CACNB2: variants seen among roughly 807,000 people sequenced by gnomAD.
CACNB2 encodes the protein voltage-dependent L-type calcium channel subunit beta-2.
In CACNB2, 42 loss-of-function variants were observed where a neutral mutation model predicts 73.3. That is an observed-to-expected ratio of 0.57 (90% CI 0.45 to 0.74). The LOEUF (loss-of-function observed/expected upper bound fraction) is 0.74, where lower values mean the gene tolerates loss of function less well. Among genes scored for constraint, CACNB2 ranks in the 30% least tolerant of loss-of-function variants. The pLI is 0.00. For synonymous variants in CACNB2, 348 were observed against 310.3 expected (o/e 1.12, Z -1.28); for missense variants, 940 against 853.0 (o/e 1.10, Z -1.27).
At chr10:18,346,937 A>C (rs1564455333) in intron 2 of CACNB2, among the ~76,000 whole-genome samples, 1 of 152,068 alleles carries the variant, frequency 6.6e-6, no homozygotes, top group Non-Finnish European at 1.5e-5. Context: ...GAAAAACCTG[A>C]CCCGTGAAAT....
chr10:18,534,797 A>C (rs1188707166), intron 11 of CACNB2, among the ~76,000 whole-genome samples: 1 of 152,248 alleles, frequency 6.6e-6, no homozygotes, highest in African/African-American at 2.4e-5. Flanking sequence ...CACTGGTTTG[A>C]TTGAGTTGTG....
intron 3 of CACNB2, among the ~76,000 whole-genome samples, chr10:18,478,729 A>C (rs2048567053): frequency 6.6e-6 from 1 of 152,232 alleles, no homozygotes; most frequent in Non-Finnish European, 1.5e-5. Flanking sequence ...TTCCATTGAG[A>C]GGATCACTAG....
intron 2 of CACNB2, among the ~76,000 whole-genome samples, chr10:18,220,785 A>G (rs2035761736): frequency 1.3e-5 from 2 of 152,140 alleles, no homozygotes. Flanking sequence ...TCAGGGATCC[A>G]GGTTGCGCGT....
At chr10:18,431,337 T>A (rs1297873723) in intron 3 of CACNB2, among the ~76,000 whole-genome samples, 1 of 152,180 alleles carries the variant, frequency 6.6e-6, no homozygotes, top group African/African-American at 2.4e-5. Context: ...ATTTAACTTC[T>A]TCATCCATTC....
rs531599108 is a variant in CACNB2 at position 18,302,283 on chromosome 10, G to A, written c.214-99641G>A. Among the ~76,000 whole-genome samples, 87 of 152,224 alleles carry A rather than the reference G, an allele frequency of 5.7e-4. 2 individuals carry two copies. In the South Asian group the frequency reaches 0.016, roughly 28 times the overall value. The stretch of plus-strand genomic sequence containing the variant: ...TGGGGTCAGGGGTGGGTCGGGGGGC[G>A]CTTTGTTGCTGTAGCAGTCTTCCAA... On this transcript the variant is annotated intron_variant, in intron 2 of 13. Transcript: ENST00000324631.
intron 2 of CACNB2, among the ~76,000 whole-genome samples, chr10:18,234,750 G>A (rs2036365089): frequency 1.3e-5 from 2 of 152,168 alleles, no homozygotes; most frequent in South Asian, 4.1e-4. Context: ...CCATGAGTAC[G>A]GAGTTCAGTT....
intron 3 of CACNB2, among the ~76,000 whole-genome samples, chr10:18,465,487 G>T (rs112302830): frequency 4.1e-4 from 63 of 152,142 alleles, no homozygotes; most frequent in African/African-American, 1.4e-3. Flanking sequence ...GCTTCTTGCC[G>T]CAGGTTGAGT....
intron 2 of CACNB2, among the ~76,000 whole-genome samples, chr10:18,174,408 C>T (rs879888809): frequency 5.5e-4 from 75 of 135,182 alleles, no homozygotes; most frequent in Non-Finnish European, 1.0e-3. Flanking sequence ...CTCTTTCTTT[C>T]CTTCTTTCCT....
intron 2 of CACNB2, among the ~76,000 whole-genome samples, chr10:18,356,021 T>C (rs906741018): frequency 3.3e-5 from 5 of 152,052 alleles, no homozygotes; most frequent in Admixed American, 6.6e-5. Context: ...TTCTGGAAGG[T>C]TTCTGTAAGG....
intron 2 of CACNB2, among the ~76,000 whole-genome samples, chr10:18,277,119 A>G (rs974356945): frequency 1.4e-4 from 21 of 152,152 alleles, no homozygotes; most frequent in African/African-American, 4.8e-4. Context: ...CTTGTCTCTT[A>G]GAAGAAAAAA....
At chr10:18,178,080 C>T (rs2033696793) in intron 2 of CACNB2, among the ~76,000 whole-genome samples, 1 of 152,094 alleles carries the variant, frequency 6.6e-6, no homozygotes, top group African/African-American at 2.4e-5. Flanking sequence ...CTCGGTTTTG[C>T]ATTGGGATGC....
chr10:18,269,357 T>A (rs532199849), intron 2 of CACNB2, among the ~76,000 whole-genome samples: 16 of 152,334 alleles, frequency 1.1e-4, no homozygotes, highest in Non-Finnish European at 1.8e-4. Context: ...ACTTCTGTGA[T>A]ACCACATTCT....
At chr10:18,260,804 G>C in intron 2 of CACNB2, 1 of 1,019,154 alleles carries the variant, frequency 9.8e-7, no homozygotes, top group Non-Finnish European at 1.2e-6. Context: ...ATAAACAGCA[G>C]CAGGAGTAGG....
At chr10:18,248,877 A>T (rs961194886) in intron 2 of CACNB2, among the ~76,000 whole-genome samples, 7 of 151,742 alleles carry the variant, frequency 4.6e-5, no homozygotes, top group African/African-American at 1.7e-4. Flanking sequence ...CCTAAACCTG[A>T]CTCTCATTCA....
At position 18,438,002 on chromosome 10, in the gene CACNB2, A is replaced by ATTTTT. The variant is rs56671616; in HGVS notation, c.333+35988_333+35992dup. ...GTGTCGGGATACCTGGCCCAGTTGGATTTTTTTTTTTTTTTTTTTTTTTTT... is the reference window on the plus strand; with the variant it reads ...GTGTCGGGATACCTGGCCCAGTTGGATTTTTTTTTTTTTTTTTTTTTTTTTTTTTT... On this transcript the variant is annotated intron_variant, in intron 3 of 13. Transcript: ENST00000324631. Among the ~76,000 whole-genome samples, 4 of 41,766 alleles carry ATTTTT rather than the reference A, an allele frequency of 9.6e-5. 1 individual carries two copies. Among genetic ancestry groups the ATTTTT allele is most frequent in the Non-Finnish European group, 1.7e-4 (4 of 23,936 alleles). 27.4% of individuals were successfully genotyped at this position (41,766 alleles called of 152,430 possible).
At chr10:18,530,523 A>G (rs1477422019) in intron 10 of CACNB2, among the ~76,000 whole-genome samples, 2 of 151,860 alleles carry the variant, frequency 1.3e-5, no homozygotes, top group Admixed American at 6.6e-5. Flanking sequence ...CAAAAAAAAA[A>G]AAAAAATGCA....
chr10:18,164,773 G>T (rs530601131), intron 2 of CACNB2, among the ~76,000 whole-genome samples: 1 of 152,042 alleles, frequency 6.6e-6, no homozygotes, highest in Non-Finnish European at 1.5e-5. Context: ...GGACTTGGAG[G>T]TGTCTACATT....
chr10:18,247,114 C>A (rs140243175), intron 2 of CACNB2, among the ~76,000 whole-genome samples: 7 of 152,178 alleles, frequency 4.6e-5, no homozygotes, highest in African/African-American at 1.7e-4. Context: ...CACCTCGACA[C>A]GTGAGACCCG....
intron 1 of CACNB2, 83 bp downstream of exon 1, chr10:18,140,939 G>A (rs2030319989): frequency 2.6e-6 from 4 of 1,536,488 alleles, no homozygotes; most frequent in Admixed American, 2.0e-5. Flanking sequence ...CGCCTCCACT[G>A]CAGGGATCTC....
Sources: gnomAD v4.1 joint callset for allele counts (sites outside exome capture counted in the v4.1 genomes callset) on GRCh38, gnomAD v4.1.1 for gene constraint, MANE v1.5 for transcripts, NCBI Gene and HGNC (gene_info 2026-07-23, HGNC 2026-07-21) for gene names.